Variants in ABCC1 observed in about 807,000 individuals in gnomAD.
The protein encoded by ABCC1 is multidrug resistance-associated protein 1.
In ABCC1, 83 loss-of-function variants were observed where a neutral mutation model predicts 172.9. The ratio of observed to expected loss-of-function variants is 0.48; its 90% CI spans 0.40 to 0.58. The LOEUF (loss-of-function observed/expected upper bound fraction) is 0.58, where lower values mean the gene tolerates loss of function less well. Among genes scored for constraint, ABCC1 ranks in the 20% least tolerant of loss-of-function variants. The pLI is 0.00. For missense variants in ABCC1, 1,817 were observed against 2,002.7 expected, an observed-to-expected ratio of 0.91 and a Z score of 1.77; for synonymous variants, 937 against 825.2, an observed-to-expected ratio of 1.14 and a Z score of -2.32.
intron 1 of ABCC1, among the ~76,000 whole-genome samples, chr16:15,993,532 G>T (rs1204550767): frequency 6.6e-6 from 1 of 152,066 alleles, no homozygotes; most frequent in Non-Finnish European, 1.5e-5. Flanking sequence ...GAGGAGGTGG[G>T]GAGTGCTACT....
intron 12 of ABCC1, among the ~76,000 whole-genome samples, chr16:16,058,273 G>C (rs899465705): frequency 7.2e-5 from 11 of 152,136 alleles, no homozygotes; most frequent in African/African-American, 2.4e-4. Context: ...TTCAGATCAT[G>C]CCCCATGTTT....
In ABCC1 at chr16:16,065,704, A is replaced by T. The variant is rs571230359; in HGVS notation, c.1678-2452A>T. 2.6e-5 allele frequency among the ~76,000 whole-genome samples: 4 copies of T among 152,250 alleles called. No homozygotes were observed. In the East Asian group the frequency reaches 7.7e-4, roughly 29 times the overall value. ...TGCCTTGGCCTCCCAACATGCTGGGATTACAGGCATGAGCCATTGAGCCCA... is the reference window on the plus strand; with the variant it reads ...TGCCTTGGCCTCCCAACATGCTGGGTTTACAGGCATGAGCCATTGAGCCCA... On this transcript the variant is annotated intron_variant, in intron 12 of 30. Coordinates refer to ENST00000399410, the MANE Select transcript of ABCC1 (RefSeq NM_004996.4).
intron 16 of ABCC1, 147 bp from the exon 17 acceptor site, chr16:16,083,219 G>A: frequency 1.3e-6 from 1 of 770,170 alleles, no homozygotes; most frequent in Non-Finnish European, 2.1e-6. Flanking sequence ...TCCTTTGTGA[G>A]TCAGTTTCCC....
chr16:16,134,999 A>G (rs1415982066), intron 28 of ABCC1, among the ~76,000 whole-genome samples: 1 of 152,082 alleles, frequency 6.6e-6, no homozygotes, highest in Non-Finnish European at 1.5e-5. Context: ...TCCTCTTAGT[A>G]TATGATTAAC....
At chr16:16,017,512 C>T (rs903905051) in intron 5 of ABCC1, among the ~76,000 whole-genome samples, 13 of 152,102 alleles carry the variant, frequency 8.5e-5, no homozygotes, top group African/African-American at 2.9e-4. Flanking sequence ...ATCAACCCAT[C>T]ATCTAGGAAT....
At chr16:15,997,428 G>A (rs1400159083) in intron 1 of ABCC1, among the ~76,000 whole-genome samples, 1 of 152,148 alleles carries the variant, frequency 6.6e-6, no homozygotes, top group African/African-American at 2.4e-5. Flanking sequence ...TGTGGGCCAG[G>A]TTCCCCAAAG....
chr16:16,001,780 T>G (rs4781708), intron 1 of ABCC1, among the ~76,000 whole-genome samples: 57,898 of 152,058 alleles, frequency 0.38, 13,007 homozygotes, highest in Non-Finnish European at 0.5. Context: ...GTAATTGCCT[T>G]TGTACCTTAT....
In ABCC1 at chr16:16,052,888, A is replaced by G. The variant is rs1016843784; in HGVS notation, c.1473+72A>G. 8 of 1,456,020 alleles carry G rather than the reference A, an allele frequency of 5.5e-6. No homozygotes were observed. In the African/African-American group the frequency reaches 9.7e-5, roughly 18 times the overall value. The allele number at this position is 1,456,020 out of a possible 1,614,324, so 90.2% of individuals were successfully genotyped here. ...GGCCTCTCCATGAGGATTTTAGTCC[A>G]GTTCCTTCTGCTCTGTCCCTGGGGT... On this transcript the variant is annotated intron_variant, in intron 11 of 30. Coordinates refer to ENST00000399410, the MANE Select transcript of ABCC1 (RefSeq NM_004996.4).
chr16:16,134,054 G>C (rs1042425234), intron 27 of ABCC1, among the ~76,000 whole-genome samples: 1 of 152,118 alleles, frequency 6.6e-6, no homozygotes, highest in Non-Finnish European at 1.5e-5. Context: ...TAAACAAATA[G>C]GGCTTTGTTG....
At chr16:16,104,380 C>A (rs1454958435) in intron 20 of ABCC1, among the ~76,000 whole-genome samples, 2 of 152,134 alleles carry the variant, frequency 1.3e-5, no homozygotes, top group African/African-American at 2.4e-5. Context: ...GGTGTGTTTA[C>A]AACCCCTGAG....
At position 16,114,715 on chromosome 16, in the gene ABCC1, C is replaced by A. The variant is rs2044772615; in HGVS notation, c.3080-51C>A. ...ACATGGCCACTCCTCCCTGCAGTGC[C>A]TGGTCAGCTCCCTCTCTGCATTGTG... On this transcript the variant is annotated intron_variant, in intron 22 of 30. Coordinates refer to ENST00000399410, the MANE Select transcript of ABCC1 (RefSeq NM_004996.4). 3 of 1,530,776 alleles carry A rather than the reference C, an allele frequency of 2.0e-6. No individual in the cohort carries two copies. In the East Asian group the frequency reaches 6.8e-5, roughly 35 times the overall value. The allele number at this position is 1,530,776 out of a possible 1,614,324, so 94.8% of individuals were successfully genotyped here. A position where few individuals can be genotyped will look rare whatever the true frequency, so the allele number is the denominator to read the frequency against.
intron 5 of ABCC1, among the ~76,000 whole-genome samples, chr16:16,018,226 A>G (rs1292266779): frequency 6.6e-6 from 1 of 151,854 alleles, no homozygotes; most frequent in Non-Finnish European, 1.5e-5. Flanking sequence ...ATGGAGGAGG[A>G]GGTTGATGAT....
At chr16:16,023,898 T>C (rs1219606931) in intron 5 of ABCC1, among the ~76,000 whole-genome samples, 1 of 152,108 alleles carries the variant, frequency 6.6e-6, no homozygotes, top group African/African-American at 2.4e-5. Context: ...TTGAGGGAGC[T>C]TGTGGGTGTT....
chr16:15,968,276 C>T (rs781020446), intron 1 of ABCC1, among the ~76,000 whole-genome samples: 15 of 152,090 alleles, frequency 9.9e-5, no homozygotes, highest in East Asian at 1.9e-4. Context: ...TCAGGTGATC[C>T]GCCTACCTCG....
rs1567347647 is a variant in ABCC1, at chr16:16,048,262, GC to G, written c.1345del (p.Leu449CysfsTer12). On this transcript the variant is annotated frameshift_variant, in exon 10 of 31. Coordinates refer to ENST00000399410, the MANE Select transcript of ABCC1 (RefSeq NM_004996.4). LOFTEE classifies it high-confidence loss of function. Reference sequence around the variant, plus strand: ...CACGTACATTAACATGATCTGGTCAGCCCCCCTGCAAGTCATCCTTGCTCTC... The same window carrying G: ...CACGTACATTAACATGATCTGGTCAGCCCCCTGCAAGTCATCCTTGCTCTC... ...LATYINMIWS[A>X]PLQVILALYL... 6.2e-7 allele frequency: 1 copy of G among 1,614,138 alleles called. No homozygotes were observed. Among genetic ancestry groups the G allele is most frequent in the Non-Finnish European group, 8.5e-7 (1 of 1,180,006 alleles).
chr16:16,053,774 CAAAAAAAAAAAAAAAAAAAAAAAAAAAA>C (rs10526186), intron 11 of ABCC1, among the ~76,000 whole-genome samples: 14 of 36,214 alleles, frequency 3.9e-4, no homozygotes, highest in Non-Finnish European at 8.6e-4. Flanking sequence ...GACCCTGTCT[CAAAAAAAAAAAAAAAAAAAAAAAAAAAA>C]AAAAAAAAAA....
rs149783291 is a variant in ABCC1 at position 15,953,410 on chromosome 16, A to G, written c.48+3611A>G. On this transcript the variant is annotated intron_variant, in intron 1 of 30. Coordinates refer to ENST00000399410, the MANE Select transcript of ABCC1 (RefSeq NM_004996.4). ...AAAGCAGAGGAAACAACTTGGTATT[A>G]AGCAGTATAGTGTGGTGGCTCAGAG... is the stretch of plus-strand genomic sequence containing the variant. Among the ~76,000 whole-genome samples the G allele has an allele frequency of 3.9e-4, 59 of 152,258 alleles. 1 individual carries two copies. The highest frequency in any genetic ancestry group is 1.3e-3 in the African/African-American group (56 of 41,552).
intron 23 of ABCC1, among the ~76,000 whole-genome samples, chr16:16,118,424 CT>C (rs34770208): frequency 1.6e-4 from 17 of 105,996 alleles, no homozygotes; most frequent in African/African-American, 6.3e-4. Flanking sequence ...TTGGTGCCAG[CT>C]TTTTTTTTTT....
intron 22 of ABCC1, among the ~76,000 whole-genome samples, chr16:16,112,670 C>G (rs993802403): frequency 5.3e-5 from 8 of 152,196 alleles, no homozygotes; most frequent in African/African-American, 1.7e-4. Context: ...GGCAGTCTGG[C>G]TCAGGAGCTC....
Sources: gnomAD v4.1 joint callset for allele counts (sites outside exome capture counted in the v4.1 genomes callset) on GRCh38, gnomAD v4.1.1 for gene constraint, MANE v1.5 for transcripts, NCBI Gene and HGNC (gene_info 2026-07-23, HGNC 2026-07-21) for gene names.